Variants in SPTAN1 observed in about 807,000 individuals in gnomAD.
SPTAN1 encodes the protein spectrin alpha chain, non-erythrocytic 1.
In SPTAN1, 61 loss-of-function variants were observed where a neutral mutation model predicts 331.3. That is an observed-to-expected ratio of 0.18 (90% CI 0.15 to 0.23). The LOEUF is 0.23. SPTAN1 is among the 10% of genes least tolerant of loss of function. The probability of loss-of-function intolerance (pLI) is 1.00; values close to 1 mark genes in which losing one functional copy is unlikely to be tolerated. For missense variants in SPTAN1, 2,043 were observed against 3,147.9 expected (o/e 0.65, Z 8.40); for synonymous variants, 1,153 against 1,173.9 (o/e 0.98, Z 0.36).
intron 27 of SPTAN1, among the ~76,000 whole-genome samples, chr9:128,601,604 C>G (rs1456209143): frequency 6.6e-6 from 1 of 152,002 alleles, no homozygotes; most frequent in African/African-American, 2.4e-5. Context: ...AAAAAGTAGG[C>G]CTTCTCCTCA....
At chr9:128,591,264 C>T (rs570356219) in intron 21 of SPTAN1, among the ~76,000 whole-genome samples, 8 of 151,940 alleles carry the variant, frequency 5.3e-5, no homozygotes, top group Middle Eastern at 3.4e-3. Context: ...GACGGGGTTT[C>T]ACTGTGTTGG....
chr9:128,609,507 AG>A (rs1318210857), intron 36 of SPTAN1, 143 bp from the exon 37 acceptor site: 5 of 942,354 alleles, frequency 5.3e-6, no homozygotes, highest in Admixed American at 2.5e-5. Context: ...CTGTAATAAA[AG>A]TCTATAGAAT....
chr9:128,561,391 C>T lies in SPTAN1; in HGVS notation c.-3-5347C>T, dbSNP rs576263230. Among the ~76,000 whole-genome samples the T allele has an allele frequency of 6.8e-4, 101 of 148,830 alleles. No individual in the cohort carries two copies. The East Asian group carries it at 0.016, about 24-fold the overall frequency. On this transcript the variant is annotated intron_variant, in intron 1 of 56. Transcript: ENST00000372739. ...ATCTCAAAAAAAAAAAGGCCAGGCG[C>T]GGTGGCTCACGCCTGTAATCCCAGC...
chr9:128,557,754 GATCA>G lies in SPTAN1; in HGVS notation c.-4+5059_-4+5062del, dbSNP rs1339454974. Among the ~76,000 whole-genome samples the G allele has an allele frequency of 7.3e-5, 11 of 150,548 alleles. No homozygotes were observed. In the East Asian group the frequency reaches 2.0e-3, roughly 27 times the overall value. On this transcript the variant is annotated intron_variant, in intron 1 of 56. Transcript: ENST00000372739. ...GTATAAGTTTGTGTTTGATATCCTG[GATCA>G]TTCTGAAGCATGCTGTATCTTTGGA...
chr9:128,617,008 T>C (rs1473379938), intron 41 of SPTAN1, among the ~76,000 whole-genome samples: 1 of 151,866 alleles, frequency 6.6e-6, no homozygotes, highest in Non-Finnish European at 1.5e-5. Flanking sequence ...GAGACCGAGG[T>C]GGGCAGATCA....
In SPTAN1 at chr9:128,618,787, T is replaced by A. The variant is rs1355667877; in HGVS notation, c.5601-84T>A. The A allele has an allele frequency of 3.7e-6, 6 of 1,607,418 alleles. No individual in the cohort carries two copies. The East Asian group carries it at 1.3e-4, about 36-fold the overall frequency. On this transcript the variant is annotated intron_variant, in intron 43 of 56. Transcript: ENST00000372739. ...CATGAGCCACCATGCCCAGCTTTTGTGACTGTTTTTAAGCATATGTTAACT... is the reference window on the plus strand; with the variant it reads ...CATGAGCCACCATGCCCAGCTTTTGAGACTGTTTTTAAGCATATGTTAACT...
In SPTAN1 at chr9:128,585,879, G is replaced by A. The variant is rs1173940623; in HGVS notation, c.2692G>A (p.Asp898Asn). 1.2e-6 allele frequency: 2 copies of A among 1,613,952 alleles called. No individual in the cohort carries two copies. Among genetic ancestry groups the A allele is most frequent in the Non-Finnish European group, 1.7e-6 (2 of 1,180,036 alleles). The change falls in exon 19 of 57, where the codon GAT becomes AAT. Residue 898 changes from aspartate (D) to asparagine (N), a missense_variant. Around this residue, in one of 12 missense-constraint regions of SPTAN1, gnomAD observed 1,038 missense variants for 1,531.5 expected, o/e 0.68. Transcript: ENST00000372739. ...TCTGCAGGCCCAGCAGTACTTTGCTGATGCTAACGAGGCTGAATCCTGGAT... is the reference window on the plus strand; with the variant it reads ...TCTGCAGGCCCAGCAGTACTTTGCTAATGCTAACGAGGCTGAATCCTGGAT... ...DSLQAQQYFA[D>N]ANEAESWMRE...
At position 128,577,005 on chromosome 9, in the gene SPTAN1, A is replaced by C; in HGVS notation, c.785+49A>C. 1.2e-6 allele frequency: 2 copies of C among 1,613,764 alleles called. No homozygotes were observed. Among genetic ancestry groups the C allele is most frequent in the Non-Finnish European group, 1.7e-6 (2 of 1,179,982 alleles). On this transcript the variant is annotated intron_variant, in intron 6 of 56. Coordinates refer to ENST00000372739, the MANE Select transcript of SPTAN1 (RefSeq NM_001130438.3). This position sits in a 1 kb window ranked among gnomAD's most constrained non-coding sequence, Gnocchi z 4.2. The stretch of plus-strand genomic sequence containing the variant: ...GGGAATGGGTCTCAACCTGGAGGGG[A>C]GTTGTGAAGCACAGGGCATGTGCTG...
Position 128,608,009 on chromosome 9 carries a change from T to A in SPTAN1, c.4304T>A (p.Val1435Asp). 1 of 1,613,904 alleles carries A rather than the reference T, an allele frequency of 6.2e-7. No homozygotes were observed. Among genetic ancestry groups the A allele is most frequent in the East Asian group, 2.2e-5 (1 of 44,876 alleles). The part of the protein sequence containing the change: ...QERADLEKAW[V>D]QRRMMLDQCL... ...CGTGCAGACCTGGAGAAGGCCTGGG[T>A]TCAGCGCAGGATGATGCTGGATCAG... The change falls in exon 33 of 57, where the codon GTT becomes GAT. Residue 1435 changes from valine (V) to aspartate (D), a missense_variant. Physicochemically the swap from Val to Asp is radical, Grantham distance 152. This residue lies in a region of SPTAN1 where 179 missense variants were observed against 215.7 expected (regional missense o/e 0.83). Coordinates refer to ENST00000372739, the MANE Select transcript of SPTAN1 (RefSeq NM_001130438.3).
intron 26 of SPTAN1, chr9:128,599,549 C>G (rs1462952034): frequency 5.7e-6 from 1 of 174,790 alleles, no homozygotes; most frequent in Admixed American, 5.6e-5. Flanking sequence ...GCTTTGTTGC[C>G]CAGACTGGAG....
At chr9:128,585,031 T>C (rs939304422) in intron 18 of SPTAN1, among the ~76,000 whole-genome samples, 188 bp downstream of exon 18, 33 of 151,218 alleles carry the variant, frequency 2.2e-4, no homozygotes, top group Non-Finnish European at 4.6e-4. Context: ...TTTTTTTTTT[T>C]TGAGACGGGG....
At chr9:128,626,213 G>GA in intron 48 of SPTAN1, 178 bp from the exon 49 acceptor site, 2 of 980,868 alleles carry the variant, frequency 2.0e-6, no homozygotes, top group Non-Finnish European at 3.1e-6. Flanking sequence ...GTAGGAAGGG[G>GA]AAAAAAGGCT....
In SPTAN1 at chr9:128,554,091, A is replaced by G. The variant is rs573384428; in HGVS notation, c.-4+1395A>G. Among the ~76,000 whole-genome samples the G allele has an allele frequency of 9.9e-5, 15 of 151,822 alleles. No homozygotes were observed. The East Asian group carries it at 1.4e-3, about 14-fold the overall frequency. ...GGTCAAATTGAATGTGCTGCGGAGGAAAAAAAAAGTGCTGCAGTAAAGGCC... is the reference window on the plus strand; with the variant it reads ...GGTCAAATTGAATGTGCTGCGGAGGGAAAAAAAAGTGCTGCAGTAAAGGCC... On this transcript the variant is annotated intron_variant, in intron 1 of 56. Coordinates refer to ENST00000372739, the MANE Select transcript of SPTAN1 (RefSeq NM_001130438.3).
At chr9:128,598,611 T>A (rs1160958720) in intron 25 of SPTAN1, 107 bp downstream of exon 25, 3 of 1,001,976 alleles carry the variant, frequency 3.0e-6, no homozygotes, top group East Asian at 2.6e-5. Context: ...CACAGAACTG[T>A]GGCTTGGCTG....
In SPTAN1 at chr9:128,580,327, A is replaced by G. The variant is rs559860463; in HGVS notation, c.1323+589A>G. On this transcript the variant is annotated intron_variant, in intron 10 of 56. Transcript: ENST00000372739. ...AAATAAAATATGTATATATATACAT[A>G]TTTTATTTTACTTTTTTTATATGTG... 3.3e-5 allele frequency among the ~76,000 whole-genome samples: 5 copies of G among 150,758 alleles called. No individual in the cohort carries two copies. In the South Asian group the frequency reaches 1.0e-3, roughly 31 times the overall value.
At chr9:128,556,672 G>T (rs565885424) in intron 1 of SPTAN1, among the ~76,000 whole-genome samples, 2 of 152,202 alleles carry the variant, frequency 1.3e-5, no homozygotes, top group African/African-American at 2.4e-5. Context: ...GCAAAATTGC[G>T]CTAACAAGTT....
intron 43 of SPTAN1, 21 bp downstream of exon 43, chr9:128,618,129 G>C (rs757514658): frequency 5.6e-6 from 9 of 1,612,164 alleles, no homozygotes; most frequent in Non-Finnish European, 7.6e-6. Flanking sequence ...AGAGGCAGGA[G>C]CTCCCGGGAA....
rs755962640 is a variant in SPTAN1 at position 128,625,827 on chromosome 9, C to T, written c.6128C>T (p.Ala2043Val). ...CAGGAAGGCATTGCCAACATCACTG[C>T]CCTCAAAGATCAGCTTCTCGCCGCC... ...FQQEGIANIT[A>V]LKDQLLAAKH... The change falls in exon 48 of 57, where the codon GCC becomes GTC. Residue 2043 changes from alanine to valine, a missense_variant. Coordinates refer to ENST00000372739, the MANE Select transcript of SPTAN1 (RefSeq NM_001130438.3). This position sits in a 1 kb window ranked among gnomAD's most constrained non-coding sequence, Gnocchi z 4.1. The T allele has an allele frequency of 1.2e-6, 2 of 1,614,172 alleles. No individual in the cohort carries two copies. Among genetic ancestry groups the T allele is most frequent in the Admixed American group, 1.7e-5 (1 of 60,030 alleles).
At chr9:128,586,112 GTTTTTTTTTTTTTTT>G in intron 19 of SPTAN1, 147 bp downstream of exon 19, 2 of 265,408 alleles carry the variant, frequency 7.5e-6, no homozygotes, top group East Asian at 1.9e-4. Context: ...TTTTCACTTG[GTTTTTTTTTTTTTTT>G]TTTTTTTTTT....
Sources: allele counts gnomAD v4.1 joint callset (sites outside exome capture counted in the v4.1 genomes callset), GRCh38; gene constraint gnomAD v4.1.1; regional missense constraint gnomAD v4.1.1; non-coding constraint Gnocchi (gnomAD v3.1); transcripts MANE v1.5; gene names NCBI Gene and HGNC (gene_info 2026-07-23, HGNC 2026-07-21).